The following KIFC1 variants were observed in gnomAD, a reference collection of about 807,000 sequenced individuals.
KIFC1 encodes kinesin-like protein KIFC1.
KIFC1 carries 37 observed loss-of-function variants against 66.6 expected under a neutral mutation model. The observed-to-expected ratio is 0.56, with a 90% CI of 0.43 to 0.73. The LOEUF (loss-of-function observed/expected upper bound fraction) is 0.73. Among genes scored for constraint, KIFC1 ranks in the 30% least tolerant of loss-of-function variants. The pLI is 0.00. For synonymous variants in KIFC1, 325 were observed against 343.5 expected, an observed-to-expected ratio of 0.95 and a Z score of 0.60; for missense variants, 721 against 859.8, an observed-to-expected ratio of 0.84 and a Z score of 2.02.
In KIFC1 at chr6:33,396,930, C is replaced by T. The variant is rs140116687; in HGVS notation, c.13-1099C>T. 3.2e-3 allele frequency among the ~76,000 whole-genome samples: 488 copies of T among 151,468 alleles called. 3 individuals are homozygous for T. Among genetic ancestry groups the T allele is most frequent in the African/African-American group, 0.011 (463 of 41,342 alleles). On this transcript the variant is annotated intron_variant, in intron 1 of 10. Transcript: ENST00000428849. Reference sequence around the variant, plus strand: ...ATCTCCTGACCTTGTGATCTGCCCGCCTCGGCCTCCCAAAGTGCTGGGATT... The same window carrying T: ...ATCTCCTGACCTTGTGATCTGCCCGTCTCGGCCTCCCAAAGTGCTGGGATT...
intron 2 of KIFC1, 40 bp from the exon 3 acceptor site, chr6:33,398,248 A>C: frequency 6.2e-7 from 1 of 1,613,590 alleles, no homozygotes; most frequent in Non-Finnish European, 8.5e-7. Flanking sequence ...ATAAACCATT[A>C]GGGAGGGTGA....
In KIFC1 at chr6:33,404,382, T is replaced by G. The variant is rs1423706372; in HGVS notation, c.756+253T>G. On this transcript the variant is annotated intron_variant, in intron 6 of 10. Transcript: ENST00000428849. This position sits in a 1 kb window ranked among gnomAD's most constrained non-coding sequence, Gnocchi z 4.0. ...GCTCTCATTTAGATCTGTGTCTTTCTTAGTCCTCCATCCCTCTTTCTTTGG... is the reference window on the plus strand; with the variant it reads ...GCTCTCATTTAGATCTGTGTCTTTCGTAGTCCTCCATCCCTCTTTCTTTGG... Among the ~76,000 whole-genome samples the G allele has an allele frequency of 3.9e-5, 6 of 152,228 alleles. No individual in the cohort carries two copies. The highest frequency in any genetic ancestry group is 3.9e-4 in the Admixed American group (6 of 15,282).
rs1478196624 is a variant in KIFC1, at chr6:33,405,840, C to T, written c.1536+209C>T. On this transcript the variant is annotated intron_variant, in intron 7 of 10. Coordinates refer to ENST00000428849, the MANE Select transcript of KIFC1 (RefSeq NM_002263.4). The surrounding 1 kb of genome is among the most constrained non-coding windows in gnomAD (Gnocchi z 5.4). ...CGAGGGAGTGATGCATCTGCCAAAA[C>T]GAGGAGGGTCACTACATCTCATGTC... Among the ~76,000 whole-genome samples the T allele has an allele frequency of 4.6e-5, 7 of 152,240 alleles. No homozygotes were observed. In the East Asian group the frequency reaches 1.2e-3, roughly 25 times the overall value.
At position 33,401,816 on chromosome 6, in the gene KIFC1, C is replaced by T. The variant is rs1302734842; in HGVS notation, c.251-1498C>T. The stretch of plus-strand genomic sequence containing the variant: ...TCCTGGGTTCACACCATTCTCCTGC[C>T]TCAGCCTCCGGAGTAGCTGGGACTA... On this transcript the variant is annotated intron_variant, in intron 3 of 10. Transcript: ENST00000428849. The surrounding 1 kb of genome is among the most constrained non-coding windows in gnomAD (Gnocchi z 4.5). Among the ~76,000 whole-genome samples the T allele has an allele frequency of 2.6e-5, 4 of 152,106 alleles. No individual in the cohort carries two copies. The highest frequency in any genetic ancestry group is 5.9e-5 in the Non-Finnish European group (4 of 68,034).
chr6:33,394,976 TCC>T (rs1774962230), intron 1 of KIFC1, among the ~76,000 whole-genome samples: 1 of 152,090 alleles, frequency 6.6e-6, no homozygotes, highest in Non-Finnish European at 1.5e-5. Flanking sequence ...AAGAGTGGTC[TCC>T]TGGAAGCTAA....
rs769196722 is a variant in KIFC1, at chr6:33,400,432, A to G, written c.250+2045A>G. ...CGTTGCCTTGGCAATGTCATCACCAACCTTTTTTGGAGACAGACCCAGGGG... is the reference window on the plus strand; with the variant it reads ...CGTTGCCTTGGCAATGTCATCACCAGCCTTTTTTGGAGACAGACCCAGGGG... On this transcript the variant is annotated intron_variant, in intron 3 of 10. Transcript: ENST00000428849. The surrounding 1 kb of genome is among the most constrained non-coding windows in gnomAD (Gnocchi z 4.3). The G allele has an allele frequency of 2.5e-6, 4 of 1,602,018 alleles. No individual in the cohort carries two copies. Among genetic ancestry groups the G allele is most frequent in the Middle Eastern group, 2.3e-4 (1 of 4,410 alleles).
At chr6:33,392,241 C>T (rs1774824773) in intron 1 of KIFC1, among the ~76,000 whole-genome samples, 1 of 152,240 alleles carries the variant, frequency 6.6e-6, no homozygotes, top group Admixed American at 6.5e-5. Flanking sequence ...GAGCCCCTCC[C>T]TTAACTTTCA....
In KIFC1 at chr6:33,403,566, G is replaced by A; in HGVS notation, c.355+31G>A. 6.2e-7 allele frequency: 1 copy of A among 1,610,306 alleles called. No individual in the cohort carries two copies. On this transcript the variant is annotated intron_variant, in intron 5 of 10. Coordinates refer to ENST00000428849, the MANE Select transcript of KIFC1 (RefSeq NM_002263.4). The surrounding 1 kb of genome is among the most constrained non-coding windows in gnomAD (Gnocchi z 4.6). ...TGACAAACATAACCACTGGGTGAGA[G>A]GCTGGGATAGGGAAGAGAAGATGGT...
chr6:33,391,610 C>A (rs931203885), upstream of KIFC1: 1 of 399,430 alleles, frequency 2.5e-6, no homozygotes, highest in Non-Finnish European at 4.6e-6. Context: ...ACTATTGCCG[C>A]TAGAGGAGGG....
intron 1 of KIFC1, among the ~76,000 whole-genome samples, chr6:33,392,900 G>T (rs956717016): frequency 6.6e-6 from 1 of 152,180 alleles, no homozygotes; most frequent in Admixed American, 6.6e-5. Context: ...TTAGGATGCA[G>T]CAGTGAACAA....
At chr6:33,396,306 G>T (rs211462) in intron 1 of KIFC1, among the ~76,000 whole-genome samples, 140,017 of 152,238 alleles carry the variant, frequency 0.92, 64,480 homozygotes, top group East Asian at 1. Context: ...GGCAGGAGGA[G>T]CACTTGAACT....
Position 33,409,746 on chromosome 6 carries a change from T to TC in KIFC1, c.*56_*57insC. ...GTGTGTGTGTGTGTGTGTGTGTGTGTGTGTGTGTCCCTATGTCTATGTATC... is the reference window on the plus strand; with the variant it reads ...GTGTGTGTGTGTGTGTGTGTGTGTGTCGTGTGTGTCCCTATGTCTATGTATC... On this transcript the variant is annotated 3_prime_UTR_variant, in exon 11 of 11. Transcript: ENST00000428849. 1 of 1,431,992 alleles carries TC rather than the reference T, an allele frequency of 7.0e-7. No individual in the cohort carries two copies. The highest frequency in any genetic ancestry group is 9.7e-7 in the Non-Finnish European group (1 of 1,031,590). The allele number at this position is 1,431,992 out of a possible 1,614,324, so 88.7% of individuals were successfully genotyped here. A position where few individuals can be genotyped will look rare whatever the true frequency, so the allele number is the denominator to read the frequency against.
At chr6:33,393,060 G>A (rs1468555942) in intron 1 of KIFC1, among the ~76,000 whole-genome samples, 1 of 152,128 alleles carries the variant, frequency 6.6e-6, no homozygotes, top group East Asian at 1.9e-4. Context: ...GCCAACTGGC[G>A]GGTTAGAGTA....
In KIFC1 at chr6:33,398,280, T is replaced by C. The variant is rs1309513090; in HGVS notation, c.151-8T>C. The C allele has an allele frequency of 6.2e-7, 1 of 1,613,944 alleles. No individual in the cohort carries two copies. The highest frequency in any genetic ancestry group is 8.5e-7 in the Non-Finnish European group (1 of 1,179,954). On this transcript the variant is annotated splice_region_variant and splice_polypyrimidine_tract_variant and intron_variant, in intron 2 of 10. Coordinates refer to ENST00000428849, the MANE Select transcript of KIFC1 (RefSeq NM_002263.4). Reference sequence around the variant, plus strand: ...GTGACTATGGACCTTGTCTTTATCTTTCCCCAGAAACGGACAAGAGGCCTG... The same window carrying C: ...GTGACTATGGACCTTGTCTTTATCTCTCCCCAGAAACGGACAAGAGGCCTG...
chr6:33,405,935 C>G lies in KIFC1; in HGVS notation c.1537-261C>G, dbSNP rs1049804567. 1.3e-5 allele frequency among the ~76,000 whole-genome samples: 2 copies of G among 152,174 alleles called. No individual in the cohort carries two copies. The highest frequency in any genetic ancestry group is 4.8e-5 in the African/African-American group (2 of 41,430). ...TGTTCCTCAACCAGCTAGTCGTGCT[C>G]CCCATCTCAGGGCCTTTGCCTGGAT... is the stretch of plus-strand genomic sequence containing the variant. On this transcript the variant is annotated intron_variant, in intron 7 of 10. Coordinates refer to ENST00000428849, the MANE Select transcript of KIFC1 (RefSeq NM_002263.4). The surrounding 1 kb of genome is among the most constrained non-coding windows in gnomAD (Gnocchi z 5.4).
chr6:33,400,567 GC>G lies in KIFC1; in HGVS notation c.250+2181del. 2 of 1,326,066 alleles carry G rather than the reference GC, an allele frequency of 1.5e-6. No homozygotes were observed. The highest frequency in any genetic ancestry group is 2.1e-6 in the Non-Finnish European group (2 of 933,376). The allele number at this position is 1,326,066 out of a possible 1,614,324, so 82.1% of individuals were successfully genotyped here. On this transcript the variant is annotated intron_variant, in intron 3 of 10. Coordinates refer to ENST00000428849, the MANE Select transcript of KIFC1 (RefSeq NM_002263.4). This position sits in a 1 kb window ranked among gnomAD's most constrained non-coding sequence, Gnocchi z 4.3. ...GAACTTCGGTGGCATGGTGGAGGCA[GC>G]TGGTGTCGGATGAACCCAGATTCAG... is the stretch of plus-strand genomic sequence containing the variant.
At position 33,400,913 on chromosome 6, in the gene KIFC1, A is replaced by G. The variant is rs1775340504; in HGVS notation, c.251-2401A>G. On this transcript the variant is annotated intron_variant, in intron 3 of 10. Coordinates refer to ENST00000428849, the MANE Select transcript of KIFC1 (RefSeq NM_002263.4). The surrounding 1 kb of genome is among the most constrained non-coding windows in gnomAD (Gnocchi z 4.3). Reference sequence around the variant, plus strand: ...GTGATCTGCCTGCCTCAGCTTCCCAAAGTGTTGGGATTACAGGCGTGAGCC... The same window carrying G: ...GTGATCTGCCTGCCTCAGCTTCCCAGAGTGTTGGGATTACAGGCGTGAGCC... Among the ~76,000 whole-genome samples the G allele has an allele frequency of 6.6e-6, 1 of 152,088 alleles. No individual in the cohort carries two copies. The highest frequency in any genetic ancestry group is 1.5e-5 in the Non-Finnish European group (1 of 68,018).
At chr6:33,407,134 C>T (rs916695502) in intron 10 of KIFC1, 67 of 1,250,332 alleles carry the variant, frequency 5.4e-5, no homozygotes, top group African/African-American at 4.5e-4. Flanking sequence ...ACTGGTTGGG[C>T]GTAGTAGCTC....
chr6:33,398,153 T>C lies in KIFC1; in HGVS notation c.137T>C (p.Leu46Pro). 1 of 1,614,120 alleles carries C rather than the reference T, an allele frequency of 6.2e-7. No homozygotes were observed. Residue 46 changes from leucine (L) to proline (P), a missense_variant, in exon 2 of 11, where the codon CTG (leucine) becomes CCG (proline). Physicochemically the swap from Leu to Pro is moderately conservative, Grantham distance 98 (BLOSUM62 -3). Transcript: ENST00000428849. ...KRRPDQMEDG[L>P]EPEKKRTRGL... ...AGGCCTGACCAGATGGAAGATGGCCTGGAGCCTGAGAAGGTGAGCTGGGCA... is the reference window on the plus strand; with the variant it reads ...AGGCCTGACCAGATGGAAGATGGCCCGGAGCCTGAGAAGGTGAGCTGGGCA...
Sources: gnomAD v4.1 joint callset for allele counts (sites outside exome capture counted in the v4.1 genomes callset) on GRCh38, gnomAD v4.1.1 for gene constraint, Gnocchi (gnomAD v3.1) non-coding constraint, MANE v1.5 for transcripts, NCBI Gene and HGNC (gene_info 2026-07-23, HGNC 2026-07-21) for gene names.